PCGF2: variants seen among roughly 807,000 people sequenced by gnomAD.
PCGF2 encodes polycomb group RING finger protein 2.
Under a neutral mutation model 36.1 loss-of-function variants are expected in PCGF2, and 8 were observed. That is an observed-to-expected ratio of 0.22 (90% confidence interval 0.13 to 0.40). PCGF2 has a LOEUF of 0.40. PCGF2 is among the 10% of genes least tolerant of loss of function. The pLI, the probability that PCGF2 is intolerant of heterozygous loss-of-function variation, is 1.00. For synonymous variants in PCGF2, 198 were observed against 191.2 expected (o/e 1.04, Z -0.29); for missense variants, 436 against 475.9 (o/e 0.92, Z 0.78).
In PCGF2 at chr17:38,735,265, G is replaced by A. The variant is rs754797963; in HGVS notation, c.993C>T (p.Arg331=). 6.8e-6 allele frequency: 10 copies of A among 1,466,982 alleles called. No homozygotes were observed. The Admixed American group carries it at 7.0e-5, about 10-fold the overall frequency. 90.9% of individuals were successfully genotyped at this position (1,466,982 alleles called of 1,614,324 possible). A position where few individuals can be genotyped will look rare whatever the true frequency, so the allele number is the denominator to read the frequency against. Residue 331 remains arginine, a synonymous_variant, in exon 11 of 11, where the codon CGC becomes CGT. Transcript: ENST00000620225. ...CGGGAGCGCCGTTGACAGTCATCTT[G>A]CGCCCCCTGCTGGTGGAGGATGGTG... ...LQTPSSTSRG[R]KMTVNGAPVP... is the part of the protein sequence containing the mutation.
chr17:38,735,204 A>T lies in PCGF2; in HGVS notation c.*19T>A, dbSNP rs141585937. On this transcript the variant is annotated 3_prime_UTR_variant, in exon 11 of 11. Coordinates refer to ENST00000620225, the MANE Select transcript of PCGF2 (RefSeq NM_007144.3). ...GGAGTGGAGAGGCTTGGCTGGAAGA[A>T]GGGAGAGGGTCCCTGGCCTCAAGTT... is the stretch of plus-strand genomic sequence containing the variant. The T allele has an allele frequency of 0.016, 22,139 of 1,384,488 alleles. 230 individuals carry two copies. The highest frequency in any genetic ancestry group is 0.019 in the Non-Finnish European group (19,962 of 1,058,914). The allele number at this position is 1,384,488 out of a possible 1,614,324, so 85.8% of individuals were successfully genotyped here.
chr17:38,749,536 G>T (rs1388596455), upstream of PCGF2: 1 of 434,048 alleles, frequency 2.3e-6, no homozygotes, highest in Non-Finnish European at 4.8e-6. The surrounding 1 kb of genome is among the most constrained non-coding windows in gnomAD (Gnocchi z 6.5). Context: ...CGTTATTCAC[G>T]ATTTATTAGG....
rs116682124 is a variant in PCGF2, at chr17:38,740,129, C to T, written c.112+162G>A. 6.2e-3 allele frequency among the ~76,000 whole-genome samples: 951 copies of T among 152,368 alleles called. 10 individuals are homozygous for T. Among genetic ancestry groups the T allele is most frequent in the African/African-American group, 0.022 (905 of 41,598 alleles). On this transcript the variant is annotated intron_variant, in intron 3 of 10. Transcript: ENST00000620225. ...GGCTGATGCCCCGCGCCCAGTCGCC[C>T]CTGCGAGGTAGGCCCTCTGTGACCT...
intron 9 of PCGF2, among the ~76,000 whole-genome samples, chr17:38,738,106 C>A (rs905564881): frequency 7.9e-5 from 12 of 152,214 alleles, no homozygotes; most frequent in African/African-American, 2.9e-4. Flanking sequence ...ACCTCTGCCA[C>A]AGTTCCGAGT....
chr17:38,735,292 C>T lies in PCGF2; in HGVS notation c.966G>A (p.Gln322=). The change falls in exon 11 of 11, where the codon CAG becomes CAA. Residue 322 remains glutamine (Q), a synonymous_variant. Transcript: ENST00000620225. ...GCCCCCTGCTGGTGGAGGATGGTGT[C>T]TGCAGGCAGTTCAAGCTACCCCCGT... ...AANGGSLNCL[Q]TPSSTSRGRK... 2 of 1,505,464 alleles carry T rather than the reference C, an allele frequency of 1.3e-6. No individual in the cohort carries two copies. The highest frequency in any genetic ancestry group is 1.8e-6 in the Non-Finnish European group (2 of 1,118,014). 93.3% of individuals were successfully genotyped at this position (1,505,464 alleles called of 1,614,324 possible). A position where few individuals can be genotyped will look rare whatever the true frequency, so the allele number is the denominator to read the frequency against.
At chr17:38,742,951 G>A (rs1014707188) in intron 2 of PCGF2, among the ~76,000 whole-genome samples, 10 of 152,136 alleles carry the variant, frequency 6.6e-5, no homozygotes, top group Non-Finnish European at 1.2e-4. Flanking sequence ...GGGGTAAATC[G>A]CATGCCCTCA....
At position 38,739,735 on chromosome 17, in the gene PCGF2, AC is replaced by A; in HGVS notation, c.113-54del. 1 of 1,321,568 alleles carries A rather than the reference AC, an allele frequency of 7.6e-7. No homozygotes were observed. Among genetic ancestry groups the A allele is most frequent in the Non-Finnish European group, 1.1e-6 (1 of 913,280 alleles). 81.9% of individuals were successfully genotyped at this position (1,321,568 alleles called of 1,614,324 possible). ...GTCAGAGCCAACTTCCAACTCCAGGACCAGCCTCCCCGCCCTCTGCTCAGAC... is the reference window on the plus strand; with the variant it reads ...GTCAGAGCCAACTTCCAACTCCAGGACAGCCTCCCCGCCCTCTGCTCAGAC... On this transcript the variant is annotated intron_variant, in intron 3 of 10. Coordinates refer to ENST00000620225, the MANE Select transcript of PCGF2 (RefSeq NM_007144.3). This position sits in a 1 kb window ranked among gnomAD's most constrained non-coding sequence, Gnocchi z 4.0.
rs1907684765 is a variant in PCGF2 at position 38,748,257 on chromosome 17, G to A, written c.-195C>T. The A allele has an allele frequency of 6.8e-6, 1 of 147,746 alleles. No individual in the cohort carries two copies. Among genetic ancestry groups the A allele is most frequent in the African/African-American group, 2.5e-5 (1 of 39,926 alleles). The allele number at this position is 147,746 out of a possible 1,614,324, so 9.2% of individuals were successfully genotyped here. Reference sequence around the variant, plus strand: ...GATGGGAGGGAGGGAGGGAAGGGAGGGGAGGGGGGCCGCAGCCGTGTCGCT... The same window carrying A: ...GATGGGAGGGAGGGAGGGAAGGGAGAGGAGGGGGGCCGCAGCCGTGTCGCT... On this transcript the variant is annotated 5_prime_UTR_variant, in exon 1 of 11. Transcript: ENST00000620225.
At chr17:38,746,037 CCTAGGGACACTGT>C (rs1907516588) in intron 2 of PCGF2, among the ~76,000 whole-genome samples, 1 of 152,062 alleles carries the variant, frequency 6.6e-6, no homozygotes, top group Non-Finnish European at 1.5e-5. Context: ...TGAGGGTCTG[CCTAGGGACACTGT>C]GAACCTCCCA....
Position 38,739,058 on chromosome 17 carries a change from G to A in PCGF2, c.316+10C>T. ...ACTGTGCACACACAAACAGACGCGA[G>A]CACACTCACCCTCCGTCAGGGGGTA... On this transcript the variant is annotated intron_variant, in intron 6 of 10. Transcript: ENST00000620225. The surrounding 1 kb of genome is among the most constrained non-coding windows in gnomAD (Gnocchi z 4.0). 6.2e-7 allele frequency: 1 copy of A among 1,612,472 alleles called. No individual in the cohort carries two copies. Among genetic ancestry groups the A allele is most frequent in the Non-Finnish European group, 8.5e-7 (1 of 1,179,760 alleles).
In PCGF2 at chr17:38,735,495, C is replaced by T. The variant is rs780727729; in HGVS notation, c.763G>A (p.Glu255Lys). 10 of 1,593,180 alleles carry T rather than the reference C, an allele frequency of 6.3e-6. 1 individual carries two copies. Among genetic ancestry groups the T allele is most frequent in the South Asian group, 2.3e-5 (2 of 87,968 alleles). The change falls in exon 11 of 11, where the codon GAG becomes AAG. Residue 255 changes from glutamate to lysine, a missense_variant. Coordinates refer to ENST00000620225, the MANE Select transcript of PCGF2 (RefSeq NM_007144.3). ...SEGTNTSGAS[E>K]CESVSDKAPS... ...GCCTTGTCGCTGACTGACTCACACT[C>T]GGACGCCCCGCTGGTGTTGGTGCCC...
In PCGF2 at chr17:38,734,996, A is replaced by C; in HGVS notation, c.*227T>G. On this transcript the variant is annotated 3_prime_UTR_variant, in exon 11 of 11. Transcript: ENST00000620225. ...ATTTTCCACACATACACACACACAT[A>C]AAGTTTGTTTCCTGTGGCATTTAAA... is the stretch of plus-strand genomic sequence containing the variant. 5.6e-6 allele frequency: 2 copies of C among 355,016 alleles called. No homozygotes were observed. Among genetic ancestry groups the C allele is most frequent in the Non-Finnish European group, 5.0e-6 (1 of 199,622 alleles). The allele number at this position is 355,016 out of a possible 1,614,324, so 22.0% of individuals were successfully genotyped here.
At chr17:38,745,277 A>G (rs769809509) in intron 2 of PCGF2, among the ~76,000 whole-genome samples, 39 of 152,210 alleles carry the variant, frequency 2.6e-4, no homozygotes, top group Non-Finnish European at 4.7e-4. Context: ...GGTTGCAGTG[A>G]GCCGAGATTG....
upstream of PCGF2, chr17:38,749,546 G>A (rs1363915079): frequency 2.3e-6 from 1 of 438,634 alleles, no homozygotes; most frequent in Admixed American, 2.4e-5. The surrounding 1 kb of genome is among the most constrained non-coding windows in gnomAD (Gnocchi z 6.5). Context: ...GATTTATTAG[G>A]GATGGCGGCC....
Position 38,734,966 on chromosome 17 carries a change from A to C in PCGF2, c.*257T>G. ...ACAAGACCCCCCCCAAAAAAAATGA[A>C]CACCATTTTCCACACATACACACAC... is the stretch of plus-strand genomic sequence containing the variant. On this transcript the variant is annotated 3_prime_UTR_variant, in exon 11 of 11. Coordinates refer to ENST00000620225, the MANE Select transcript of PCGF2 (RefSeq NM_007144.3). 3.2e-6 allele frequency: 1 copy of C among 311,582 alleles called. No homozygotes were observed. 19.3% of individuals were successfully genotyped at this position (311,582 alleles called of 1,614,324 possible).
intron 9 of PCGF2, among the ~76,000 whole-genome samples, chr17:38,737,228 T>C (rs1226745943): frequency 1.3e-5 from 2 of 152,070 alleles, no homozygotes; most frequent in Non-Finnish European, 2.9e-5. Flanking sequence ...TTTGGGAGGC[T>C]GAAGCGGGTG....
intron 2 of PCGF2, among the ~76,000 whole-genome samples, chr17:38,744,062 C>T (rs1246673289): frequency 6.6e-6 from 1 of 152,124 alleles, no homozygotes; most frequent in African/African-American, 2.4e-5. Context: ...TGTGTCCACC[C>T]CTCCCTGGAC....
chr17:38,743,697 G>A (rs977749059), intron 2 of PCGF2, among the ~76,000 whole-genome samples: 1 of 152,098 alleles, frequency 6.6e-6, no homozygotes, highest in Non-Finnish European at 1.5e-5. Context: ...GATTGCCATG[G>A]TTACCTGCAG....
In PCGF2 at chr17:38,738,855, T is replaced by C. The variant is rs1906972407; in HGVS notation, c.323A>G (p.Asn108Ser). Reference sequence around the variant, plus strand: ...CTCGCCGCGGTCCTCATTGGAGCCGTTGGGGACTGCAGAAGGAAAGAGCTC... The same window carrying C: ...CTCGCCGCGGTCCTCATTGGAGCCGCTGGGGACTGCAGAAGGAAAGAGCTC... ...YAAYPLTEVP[N>S]GSNEDRGEVL... The change falls in exon 7 of 11, where the codon AAC becomes AGC. Residue 108 changes from asparagine (N) to serine (S), a missense_variant. Asn to Ser is a conservative substitution (Grantham distance 46). This residue lies in a region of PCGF2 where 189 missense variants were observed against 219.3 expected (regional missense o/e 0.86). Coordinates refer to ENST00000620225, the MANE Select transcript of PCGF2 (RefSeq NM_007144.3). The C allele has an allele frequency of 2.4e-5, 38 of 1,613,120 alleles. No individual in the cohort carries two copies. Among genetic ancestry groups the C allele is most frequent in the Non-Finnish European group, 3.1e-5 (36 of 1,179,318 alleles).
Sources: gnomAD v4.1 joint callset for allele counts (sites outside exome capture counted in the v4.1 genomes callset) on GRCh38, gnomAD v4.1.1 for gene constraint, gnomAD v4.1.1 regional missense constraint, Gnocchi (gnomAD v3.1) non-coding constraint, MANE v1.5 for transcripts, NCBI Gene and HGNC (gene_info 2026-07-23, HGNC 2026-07-21) for gene names.